SLC44A1: variants seen among roughly 807,000 people sequenced by gnomAD.
SLC44A1 encodes choline transporter-like protein 1.
SLC44A1 carries 26 observed loss-of-function variants against 79.3 expected under a neutral mutation model. The observed-to-expected ratio is 0.33, with a 90% CI of 0.24 to 0.46. The LOEUF (loss-of-function observed/expected upper bound fraction) is 0.46, where lower values mean the gene tolerates loss of function less well. SLC44A1 is among the 20% of genes least tolerant of loss of function. SLC44A1 has a pLI of 1.00. For missense variants in SLC44A1, 688 were observed against 798.1 expected, an observed-to-expected ratio of 0.86 and a Z score of 1.66; for synonymous variants, 263 against 286.2, an observed-to-expected ratio of 0.92 and a Z score of 0.82.
chr9:105,378,068 G>A (rs548767752), intron 13 of SLC44A1, among the ~76,000 whole-genome samples: 13 of 152,140 alleles, frequency 8.5e-5, no homozygotes, highest in African/African-American at 2.4e-4. Flanking sequence ...GCCAACATGG[G>A]GAAACCCCGT....
chr9:105,354,761 C>A (rs1564454849), intron 5 of SLC44A1, among the ~76,000 whole-genome samples: 2 of 152,074 alleles, frequency 1.3e-5, no homozygotes, highest in Admixed American at 6.5e-5. Context: ...TTTTTCTTAC[C>A]ATCAATGGTG....
Position 105,276,565 on chromosome 9 carries a change from C to CGTGTGTGTGTGTGTGTGT in SLC44A1, c.37-22618_37-22601dup, listed in dbSNP as rs60259632. ...AAGTTAGGAAACGGGGATGGGGAGC[C>CGTGTGTGTGTGTGTGTGT]GTGTGTGTGTGTGTGTGTGTGTGTG... On this transcript the variant is annotated intron_variant, in intron 1 of 15. Coordinates refer to ENST00000374720, the MANE Select transcript of SLC44A1 (RefSeq NM_080546.5). Among the ~76,000 whole-genome samples, 210 of 118,990 alleles carry CGTGTGTGTGTGTGTGTGT rather than the reference C, an allele frequency of 1.8e-3. 4 individuals are homozygous for CGTGTGTGTGTGTGTGTGT. Among genetic ancestry groups the CGTGTGTGTGTGTGTGTGT allele is most frequent in the East Asian group, 7.6e-3 (27 of 3,532 alleles). The allele number at this position is 118,990 out of a possible 152,430, so 78.1% of individuals were successfully genotyped here.
rs982442223 is a variant in SLC44A1 at position 105,391,238 on chromosome 9, A to G, written c.*2182A>G. 1 of 985,778 alleles carries G rather than the reference A, an allele frequency of 1.0e-6. No individual in the cohort carries two copies. Among genetic ancestry groups the G allele is most frequent in the Non-Finnish European group, 1.2e-6 (1 of 829,906 alleles). 61.1% of individuals were successfully genotyped at this position (985,778 alleles called of 1,614,324 possible). A position where few individuals can be genotyped will look rare whatever the true frequency, so the allele number is the denominator to read the frequency against. ...ATGGACTGTTGCTGCTCCCTGTTCC[A>G]TATGCTCGCAATCTCAGCTATTTGG... On this transcript the variant is annotated 3_prime_UTR_variant, in exon 16 of 16. Coordinates refer to ENST00000374720, the MANE Select transcript of SLC44A1 (RefSeq NM_080546.5).
At chr9:105,418,086 C>T (rs559924788) in intron 15 of SLC44A1, among the ~76,000 whole-genome samples, 6 of 151,976 alleles carry the variant, frequency 3.9e-5, no homozygotes, top group Non-Finnish European at 5.9e-5. Context: ...GAGGCCGAGG[C>T]GGGCGGATCA....
At chr9:105,420,957 C>T (rs1829241736) in intron 15 of SLC44A1, among the ~76,000 whole-genome samples, 1 of 150,954 alleles carries the variant, frequency 6.6e-6, no homozygotes, top group Non-Finnish European at 1.5e-5. Flanking sequence ...TGCAAGAGTC[C>T]ATTCAGAAAG....
chr9:105,255,848 T>C (rs1829691577), intron 1 of SLC44A1, among the ~76,000 whole-genome samples: 1 of 152,168 alleles, frequency 6.6e-6, no homozygotes, highest in Non-Finnish European at 1.5e-5. Flanking sequence ...TAAACAATAA[T>C]AAAACTTGCC....
At position 105,396,451 on chromosome 9, in the gene SLC44A1, G is replaced by A; in HGVS notation, c.*7395G>A. On this transcript the variant is annotated 3_prime_UTR_variant, in exon 16 of 16. Coordinates refer to ENST00000374720, the MANE Select transcript of SLC44A1 (RefSeq NM_080546.5). ...ACCAAAGGTCCAACTTTACTTACTG[G>A]CTGGCACAGCCTTTCTGAACTCCTT... The A allele has an allele frequency of 4.1e-6, 4 of 985,396 alleles. No homozygotes were observed. Among genetic ancestry groups the A allele is most frequent in the Non-Finnish European group, 4.8e-6 (4 of 829,926 alleles). 61.0% of individuals were successfully genotyped at this position (985,396 alleles called of 1,614,324 possible).
intron 3 of SLC44A1, 30 bp downstream of exon 3, chr9:105,309,896 T>C: frequency 1.2e-6 from 2 of 1,600,406 alleles, no homozygotes; most frequent in Non-Finnish European, 1.7e-6. Context: ...GATGAACACA[T>C]GGAAACTTTG....
intron 1 of SLC44A1, among the ~76,000 whole-genome samples, chr9:105,298,148 T>C (rs1393145683): frequency 6.6e-6 from 1 of 152,166 alleles, no homozygotes; most frequent in Admixed American, 6.5e-5. Context: ...AGTCAATACT[T>C]TGCAAGTTAA....
intron 4 of SLC44A1, among the ~76,000 whole-genome samples, chr9:105,336,273 C>T (rs138641542): frequency 2.0e-5 from 3 of 151,770 alleles, no homozygotes; most frequent in East Asian, 1.9e-4. Flanking sequence ...TTCAATGAGT[C>T]GGTGTGTATA....
chr9:105,315,621 C>T (rs180695927), intron 3 of SLC44A1, among the ~76,000 whole-genome samples: 3 of 152,258 alleles, frequency 2.0e-5, no homozygotes, highest in Non-Finnish European at 2.9e-5. Flanking sequence ...TATACTATAC[C>T]ACATAACCAT....
chr9:105,278,539 C>T (rs150185127), intron 1 of SLC44A1, among the ~76,000 whole-genome samples: 4,744 of 152,160 alleles, frequency 0.031, 249 homozygotes, highest in African/African-American at 0.11. Context: ...TGAGCCACCG[C>T]GCCTGGCCTT....
intron 15 of SLC44A1, among the ~76,000 whole-genome samples, chr9:105,435,582 A>C (rs1208556489): frequency 1.3e-5 from 2 of 152,176 alleles, no homozygotes; most frequent in East Asian, 3.8e-4. Flanking sequence ...AATGCTGCAA[A>C]GTTGGTTAAT....
At position 105,244,884 on chromosome 9, in the gene SLC44A1, T is replaced by A. The variant is rs1332293047; in HGVS notation, c.16T>A (p.Ser6Thr). Residue 6 changes from serine (S) to threonine (T), a missense_variant, in exon 1 of 16, where the codon TCC (serine) becomes ACC (threonine). By Grantham distance (58) the Ser-to-Thr change is moderately conservative. Transcript: ENST00000374720. Reference sequence around the variant, plus strand: ...CGGCCCCGCCATGGGCTGCTGCAGCTCCGCCTCCTCCGCCGCGCAGGTGAG... The same window carrying A: ...CGGCCCCGCCATGGGCTGCTGCAGCACCGCCTCCTCCGCCGCGCAGGTGAG... Reference protein sequence around the residue: MGCCSSASSAAQSSKR... With the variant: MGCCSTASSAAQSSKR... The A allele has an allele frequency of 6.0e-6, 7 of 1,171,006 alleles. No individual in the cohort carries two copies. In the African/African-American group the frequency reaches 1.1e-4, roughly 19 times the overall value. The allele number at this position is 1,171,006 out of a possible 1,614,324, so 72.5% of individuals were successfully genotyped here.
intron 4 of SLC44A1, among the ~76,000 whole-genome samples, chr9:105,342,129 T>A (rs866513033): frequency 1.1e-4 from 16 of 152,230 alleles, no homozygotes; most frequent in African/African-American, 3.6e-4. Context: ...ACACATACGG[T>A]AGTTCTCCCT....
Position 105,389,819 on chromosome 9 carries a change from C to T in SLC44A1, c.*763C>T. The stretch of plus-strand genomic sequence containing the variant: ...TTTCCTTTTTGACTTTAGTAGCATC[C>T]TCCACACATTTGTGTGCCTGATTTG... On this transcript the variant is annotated 3_prime_UTR_variant, in exon 16 of 16. Coordinates refer to ENST00000374720, the MANE Select transcript of SLC44A1 (RefSeq NM_080546.5). 1 of 1,409,920 alleles carries T rather than the reference C, an allele frequency of 7.1e-7. No individual in the cohort carries two copies. Among genetic ancestry groups the T allele is most frequent in the Non-Finnish European group, 9.2e-7 (1 of 1,081,834 alleles). 87.3% of individuals were successfully genotyped at this position (1,409,920 alleles called of 1,614,324 possible).
intron 5 of SLC44A1, among the ~76,000 whole-genome samples, chr9:105,353,215 G>A (rs62575079): frequency 0.077 from 11,674 of 151,968 alleles, 624 homozygotes; most frequent in Non-Finnish European, 0.12. Flanking sequence ...TGGTGCAAAG[G>A]ACTGTTGTTA....
At chr9:105,287,505 ATGAATAT>A (rs754151383) in intron 1 of SLC44A1, among the ~76,000 whole-genome samples, 1 of 152,162 alleles carries the variant, frequency 6.6e-6, no homozygotes, top group Middle Eastern at 3.2e-3. Context: ...GATGTTTGAG[ATGAATAT>A]TTGTGGGAAC....
At chr9:105,251,593 C>G (rs1330824314) in intron 1 of SLC44A1, among the ~76,000 whole-genome samples, 2 of 152,208 alleles carry the variant, frequency 1.3e-5, no homozygotes, top group Non-Finnish European at 2.9e-5. Context: ...CTGTGTGTGG[C>G]TGTTCTCCAT....
Sources: allele counts gnomAD v4.1 joint callset (sites outside exome capture counted in the v4.1 genomes callset), GRCh38; gene constraint gnomAD v4.1.1; transcripts MANE v1.5; gene names NCBI Gene and HGNC (gene_info 2026-07-23, HGNC 2026-07-21).